The following CTNND2 variants were observed in gnomAD, a reference collection of about 807,000 sequenced individuals.
CTNND2 encodes catenin delta-2.
CTNND2 carries 22 observed loss-of-function variants against 144.4 expected under a neutral mutation model. The ratio of observed to expected loss-of-function variants is 0.15; its 90% CI spans 0.11 to 0.22. CTNND2 has a LOEUF of 0.22. CTNND2 is among the 10% of genes least tolerant of loss of function. The probability of loss-of-function intolerance (pLI) is 1.00; values close to 1 mark genes in which losing one functional copy is unlikely to be tolerated. For missense variants in CTNND2, 1,353 were observed against 1,618.8 expected (o/e 0.84, Z 2.82); for synonymous variants, 751 against 695.6 (o/e 1.08, Z -1.25).
At chr5:11,559,163 G>A (rs1054423297) in intron 3 of CTNND2, among the ~76,000 whole-genome samples, 2 of 151,946 alleles carry the variant, frequency 1.3e-5, no homozygotes, top group Admixed American at 6.6e-5. Flanking sequence ...ATTTATACAC[G>A]TGTGTGGGTG....
At chr5:11,703,078 C>T (rs1785527971) in intron 2 of CTNND2, among the ~76,000 whole-genome samples, 2 of 152,150 alleles carry the variant, frequency 1.3e-5, no homozygotes, top group African/African-American at 4.8e-5. Flanking sequence ...CACATGAATG[C>T]AGTGGGCTGG....
At chr5:11,474,064 G>C (rs925890365) in intron 3 of CTNND2, among the ~76,000 whole-genome samples, 1 of 152,200 alleles carries the variant, frequency 6.6e-6, no homozygotes, top group African/African-American at 2.4e-5. Context: ...GTCCACAAAA[G>C]GAGCACCTGT....
chr5:11,893,273 A>G (rs1486005721), intron 1 of CTNND2, among the ~76,000 whole-genome samples: 3 of 152,242 alleles, frequency 2.0e-5, no homozygotes, highest in African/African-American at 7.2e-5. Flanking sequence ...CTGCACAGCC[A>G]TCTCAGTTGG....
intron 10 of CTNND2, among the ~76,000 whole-genome samples, chr5:11,217,184 G>A (rs1486061568): frequency 6.6e-6 from 1 of 152,186 alleles, no homozygotes; most frequent in East Asian, 1.9e-4. Flanking sequence ...TCTTCCCAAG[G>A]TGGCAGATTG....
chr5:11,299,011 A>G (rs958824645), intron 9 of CTNND2, among the ~76,000 whole-genome samples: 9 of 152,096 alleles, frequency 5.9e-5, no homozygotes, highest in Non-Finnish European at 1.3e-4. Flanking sequence ...CTGTATAGAA[A>G]CCCTTGTGGT....
chr5:11,371,093 G>A (rs957022469), intron 7 of CTNND2, among the ~76,000 whole-genome samples: 2 of 152,212 alleles, frequency 1.3e-5, no homozygotes, highest in Admixed American at 6.5e-5. Flanking sequence ...CTACACTGCT[G>A]TTGTTCCTTT....
At chr5:11,036,062 A>G (rs2149559358) in intron 16 of CTNND2, among the ~76,000 whole-genome samples, 1 of 152,282 alleles carries the variant, frequency 6.6e-6, no homozygotes, top group Middle Eastern at 3.4e-3. Flanking sequence ...ATTGTGAAGA[A>G]TAGTCTGTGC....
intron 2 of CTNND2, among the ~76,000 whole-genome samples, chr5:11,726,808 G>A (rs1411445606): frequency 6.6e-6 from 1 of 152,116 alleles, no homozygotes; most frequent in Admixed American, 6.5e-5. Context: ...AAATAGAACA[G>A]AGCATAAAAC....
intron 1 of CTNND2, among the ~76,000 whole-genome samples, chr5:11,878,692 G>A (rs1560958537): frequency 6.6e-6 from 1 of 152,134 alleles, no homozygotes. Flanking sequence ...TATTTGCTAA[G>A]AGTCCTTGCT....
chr5:11,117,774 A>G (rs1753712938), intron 12 of CTNND2, among the ~76,000 whole-genome samples: 1 of 152,036 alleles, frequency 6.6e-6, no homozygotes, highest in Non-Finnish European at 1.5e-5. Context: ...CTGTAATGCA[A>G]CTCCTGGAAT....
intron 11 of CTNND2, among the ~76,000 whole-genome samples, chr5:11,190,487 T>C (rs1448382991): frequency 6.6e-6 from 1 of 152,218 alleles, no homozygotes; most frequent in South Asian, 2.1e-4. Context: ...GCATCTGGCA[T>C]TCTGTGTGAG....
chr5:11,242,200 C>T (rs1384912544), intron 9 of CTNND2, among the ~76,000 whole-genome samples: 3 of 152,148 alleles, frequency 2.0e-5, no homozygotes, highest in East Asian at 1.9e-4. Context: ...CCAGTAATAA[C>T]GTGAGCGCAT....
At chr5:11,696,886 T>C (rs1785163414) in intron 2 of CTNND2, among the ~76,000 whole-genome samples, 1 of 152,230 alleles carries the variant, frequency 6.6e-6, no homozygotes, top group Admixed American at 6.5e-5. Flanking sequence ...TCTTTTGTGC[T>C]CACTTAAAGA....
At chr5:11,753,871 T>C (rs1407469829) in intron 1 of CTNND2, among the ~76,000 whole-genome samples, 1 of 151,718 alleles carries the variant, frequency 6.6e-6, no homozygotes, top group Non-Finnish European at 1.5e-5. Flanking sequence ...CTGTTCAGGA[T>C]TGCAATTTCT....
chr5:11,286,110 GA>G (rs1747726826), intron 9 of CTNND2, among the ~76,000 whole-genome samples: 1 of 151,558 alleles, frequency 6.6e-6, no homozygotes, highest in African/African-American at 2.4e-5. Context: ...ACATATTTGG[GA>G]ACAAATGTGA....
intron 1 of CTNND2, among the ~76,000 whole-genome samples, chr5:11,882,988 T>C (rs1188375210): frequency 2.6e-5 from 4 of 152,178 alleles, no homozygotes; most frequent in Non-Finnish European, 5.9e-5. Context: ...GTTTCTTTCA[T>C]CAATATTTTA....
At chr5:11,495,600 C>A (rs1329969870) in intron 3 of CTNND2, among the ~76,000 whole-genome samples, 1 of 152,108 alleles carries the variant, frequency 6.6e-6, no homozygotes, top group African/African-American at 2.4e-5. Context: ...TTGAGATCTG[C>A]ATATGGGGAC....
chr5:11,861,645 A>G (rs1321634979), intron 1 of CTNND2, among the ~76,000 whole-genome samples: 2 of 152,194 alleles, frequency 1.3e-5, no homozygotes, highest in African/African-American at 4.8e-5. Context: ...AGCAGTCAGA[A>G]GAATCCTTGC....
At chr5:11,371,162 C>T (rs1757447741) in intron 7 of CTNND2, among the ~76,000 whole-genome samples, 1 of 152,192 alleles carries the variant, frequency 6.6e-6, no homozygotes, top group South Asian at 2.1e-4. Context: ...CGCTAGGCAA[C>T]ATGGCTTTGC....
Sources: allele counts gnomAD v4.1 joint callset (sites outside exome capture counted in the v4.1 genomes callset), GRCh38; gene constraint gnomAD v4.1.1; transcripts MANE v1.5; gene names NCBI Gene and HGNC (gene_info 2026-07-23, HGNC 2026-07-21).